Variants in ALG14 observed in about 807,000 individuals in gnomAD.
ALG14 encodes ALG14 UDP-N-acetylglucosaminyltransferase subunit.
In ALG14, 17 loss-of-function variants were observed where a neutral mutation model predicts 22.8. The observed-to-expected ratio is 0.75, with a 90% CI of 0.51 to 1.12. The LOEUF is 1.12. Ranked by LOEUF, ALG14 falls within the 50% of genes most tolerant of loss-of-function variation. ALG14 has a pLI of 0.00. For missense variants in ALG14, 288 were observed against 271.8 expected (o/e 1.06, Z -0.42); for synonymous variants, 89 against 103.7 (o/e 0.86, Z 0.86).
At chr1:95,067,149 C>T (rs974894270) in intron 1 of ALG14, 2 of 152,136 alleles carry the variant, frequency 1.3e-5, no homozygotes, top group Non-Finnish European at 2.9e-5. Flanking sequence ...AATGCTCAAT[C>T]GCCTGAAAAC....
chr1:95,047,019 A>G (rs1674583337), intron 2 of ALG14, among the ~76,000 whole-genome samples: 1 of 138,926 alleles, frequency 7.2e-6, no homozygotes, highest in African/African-American at 2.8e-5. Flanking sequence ...AACATAACAT[A>G]ACATAACATA....
chr1:95,009,221 ATAT>A (rs1325614235), intron 3 of ALG14, among the ~76,000 whole-genome samples: 16 of 150,068 alleles, frequency 1.1e-4, no homozygotes, highest in Non-Finnish European at 1.5e-5. Context: ...TATTTATAAA[ATAT>A]TATATATTTT....
Position 95,022,171 on chromosome 1 carries a change from A to C in ALG14, c.420+4958T>G, listed in dbSNP as rs144581316. The stretch of plus-strand genomic sequence containing the variant: ...AGCTGCTGAGAGTCCCCCAAAATGG[A>C]GACGAATCAAAACAACTCAAAGCAA... On this transcript the variant is annotated intron_variant, in intron 3 of 3. Transcript: ENST00000370205. 6.4e-3 allele frequency: 1,721 copies of C among 267,018 alleles called. 15 individuals are homozygous for C. The highest frequency in any genetic ancestry group is 0.017 in the South Asian group (123 of 7,072). The allele number at this position is 267,018 out of a possible 1,614,324, so 16.5% of individuals were successfully genotyped here. A position where few individuals can be genotyped will look rare whatever the true frequency, so the allele number is the denominator to read the frequency against.
chr1:95,049,797 G>A (rs935791729), intron 2 of ALG14, among the ~76,000 whole-genome samples: 1 of 152,022 alleles, frequency 6.6e-6, no homozygotes, highest in African/African-American at 2.4e-5. Context: ...CTTGAACCCA[G>A]GAGGTGGAGG....
chr1:95,067,255 A>G (rs1675404939), intron 1 of ALG14: 1 of 152,278 alleles, frequency 6.6e-6, no homozygotes, highest in Non-Finnish European at 1.5e-5. Flanking sequence ...ACATCTGCCC[A>G]GCAGTTGCCT....
At chr1:94,993,716 G>A (rs1385106495) in intron 3 of ALG14, among the ~76,000 whole-genome samples, 3 of 152,188 alleles carry the variant, frequency 2.0e-5, no homozygotes, top group Non-Finnish European at 4.4e-5. Flanking sequence ...AACAAGAGTT[G>A]TCAATTTTGC....
chr1:95,066,240 C>G (rs561693211), intron 1 of ALG14, among the ~76,000 whole-genome samples: 8 of 152,110 alleles, frequency 5.3e-5, no homozygotes, highest in Middle Eastern at 3.2e-3. Context: ...TCACCTCCCC[C>G]CAGGTGGAGT....
chr1:94,983,217 G>T lies in ALG14; in HGVS notation c.510C>A (p.Val170=). ...CTACACGGCAGATGCTTTCAACGTA[G>T]ACAATGATCACTTTCTTTATTCCTA... ...GILGIKKVII[V]YVESICRVET... Residue 170 remains valine, a synonymous_variant, in exon 4 of 4, where the codon GTC becomes GTA. Transcript: ENST00000370205. 1 of 1,614,128 alleles carries T rather than the reference G, an allele frequency of 6.2e-7. No individual in the cohort carries two copies. The highest frequency in any genetic ancestry group is 8.5e-7 in the Non-Finnish European group (1 of 1,180,020).
intron 2 of ALG14, among the ~76,000 whole-genome samples, chr1:95,063,710 T>C (rs928758066): frequency 6.6e-6 from 1 of 152,230 alleles, no homozygotes; most frequent in Non-Finnish European, 1.5e-5. Context: ...TGAAGTCAGG[T>C]AGCATGATGC....
intron 2 of ALG14, among the ~76,000 whole-genome samples, chr1:95,037,599 C>A (rs1269420244): frequency 6.6e-6 from 1 of 152,148 alleles, no homozygotes; most frequent in Non-Finnish European, 1.5e-5. Context: ...CCTGGGCAAC[C>A]GGACCAAGCC....
At chr1:94,984,065 GA>G (rs962144855) in intron 3 of ALG14, among the ~76,000 whole-genome samples, 2 of 152,112 alleles carry the variant, frequency 1.3e-5, no homozygotes, top group African/African-American at 4.8e-5. Flanking sequence ...AGCCATTGAA[GA>G]AAATAAGAGA....
intron 1 of ALG14, among the ~76,000 whole-genome samples, chr1:95,068,438 G>C (rs60405904): frequency 6.6e-6 from 1 of 151,806 alleles, no homozygotes; most frequent in Non-Finnish European, 1.5e-5. Context: ...AGGCACCTGC[G>C]ACCATGCCCA....
chr1:95,033,077 C>T (rs1674062997), intron 2 of ALG14, among the ~76,000 whole-genome samples: 1 of 152,112 alleles, frequency 6.6e-6, no homozygotes, highest in Non-Finnish European at 1.5e-5. Context: ...CTGGAGAAAT[C>T]CAAATGAAGG....
chr1:95,072,653 T>G, intron 1 of ALG14, 110 bp downstream of exon 1: 1 of 1,452,848 alleles, frequency 6.9e-7, no homozygotes, highest in South Asian at 1.3e-5. Context: ...TACAAATCTC[T>G]GCATGCAACA....
At chr1:95,016,413 A>C (rs1356876020) in intron 3 of ALG14, among the ~76,000 whole-genome samples, 3 of 152,216 alleles carry the variant, frequency 2.0e-5, no homozygotes, top group Non-Finnish European at 4.4e-5. Flanking sequence ...TTGTAATTCT[A>C]AGTGTACAAA....
chr1:95,058,100 ACATGGTGAAAACCCGC>A (rs947861067), intron 2 of ALG14, among the ~76,000 whole-genome samples: 2 of 151,418 alleles, frequency 1.3e-5, no homozygotes, highest in African/African-American at 4.8e-5. Context: ...ATCCTGGCCA[ACATGGTGAAAACCCGC>A]CTCTACTAAA....
chr1:95,033,211 C>G (rs1386472178), intron 2 of ALG14, among the ~76,000 whole-genome samples: 1 of 151,946 alleles, frequency 6.6e-6, no homozygotes, highest in Non-Finnish European at 1.5e-5. Flanking sequence ...CATTTTACCA[C>G]CCCTACCTCC....
At chr1:95,054,387 TG>T (rs1309958825) in intron 2 of ALG14, among the ~76,000 whole-genome samples, 1 of 152,136 alleles carries the variant, frequency 6.6e-6, no homozygotes, top group Admixed American at 6.5e-5. Context: ...CCATGTGAAG[TG>T]CTGGCTCCTC....
At chr1:95,033,696 G>A (rs1674098279) in intron 2 of ALG14, among the ~76,000 whole-genome samples, 1 of 151,922 alleles carries the variant, frequency 6.6e-6, no homozygotes, top group Non-Finnish European at 1.5e-5. Context: ...CTGCCCCCAT[G>A]TTTCCTTCTC....
Sources: gnomAD v4.1 joint callset for allele counts (sites outside exome capture counted in the v4.1 genomes callset) on GRCh38, gnomAD v4.1.1 for gene constraint, MANE v1.5 for transcripts, NCBI Gene and HGNC (gene_info 2026-07-23, HGNC 2026-07-21) for gene names.